The following NSD2 variants were observed in gnomAD, a reference collection of about 807,000 sequenced individuals.
NSD2 encodes histone-lysine N-methyltransferase NSD2.
A neutral mutation model predicts 139.0 loss-of-function variants in NSD2; 12 were observed. The ratio of observed to expected loss-of-function variants is 0.09; its 90% CI spans 0.06 to 0.14. The LOEUF (loss-of-function observed/expected upper bound fraction) is 0.14, where lower values mean the gene tolerates loss of function less well. Ranked by LOEUF, NSD2 falls within the 10% of genes least tolerant of loss-of-function variation. The probability of loss-of-function intolerance (pLI) is 1.00; values close to 1 mark genes in which losing one functional copy is unlikely to be tolerated. For synonymous variants in NSD2, 669 were observed against 648.7 expected, an observed-to-expected ratio of 1.03 and a Z score of -0.48; for missense variants, 1,155 against 1,745.0, an observed-to-expected ratio of 0.66 and a Z score of 6.02.
intron 9 of NSD2, among the ~76,000 whole-genome samples, chr4:1,949,766 G>C (rs1452040592): frequency 1.9e-5 from 2 of 105,834 alleles, no homozygotes; most frequent in Non-Finnish European, 3.9e-5. Flanking sequence ...TCTGTCTCGA[G>C]AAAAAAAAAA....
At position 1,970,026 on chromosome 4, in the gene NSD2, C is replaced by T. The variant is rs550362594; in HGVS notation, c.3373-4837C>T. Among the ~76,000 whole-genome samples, 15 of 152,080 alleles carry T rather than the reference C, an allele frequency of 9.9e-5. No homozygotes were observed. The South Asian group carries it at 2.9e-3, about 30-fold the overall frequency. On this transcript the variant is annotated intron_variant, in intron 18 of 21. Coordinates refer to ENST00000508803, the MANE Select transcript of NSD2 (RefSeq NM_001042424.3). ...AGTGAGCAGAGTGCAGCTGAAAGAA[C>T]CTGGGAAAGAGAGAAAGAAGGAATG... is the stretch of plus-strand genomic sequence containing the variant.
In NSD2 at chr4:1,976,913, A is replaced by G. The variant is rs966505813; in HGVS notation, c.3826+234A>G. 2.6e-5 allele frequency among the ~76,000 whole-genome samples: 4 copies of G among 152,090 alleles called. No individual in the cohort carries two copies. Among genetic ancestry groups the G allele is most frequent in the African/African-American group, 9.7e-5 (4 of 41,410 alleles). On this transcript the variant is annotated intron_variant, in intron 21 of 21. Coordinates refer to ENST00000508803, the MANE Select transcript of NSD2 (RefSeq NM_001042424.3). The surrounding 1 kb of genome is among the most constrained non-coding windows in gnomAD (Gnocchi z 5.3). Reference sequence around the variant, plus strand: ...ATGTGGTGACGGGGTAGCCCCTGGAACCTCCAGGAGGGATTCAGGCAGCCC... The same window carrying G: ...ATGTGGTGACGGGGTAGCCCCTGGAGCCTCCAGGAGGGATTCAGGCAGCCC...
At chr4:1,949,307 C>T (rs1041067453) in intron 9 of NSD2, among the ~76,000 whole-genome samples, 11 of 152,198 alleles carry the variant, frequency 7.2e-5, no homozygotes, top group Non-Finnish European at 1.5e-4. Context: ...GTGTTCATGA[C>T]GCTAGTCCAT....
chr4:1,975,206 G>A, intron 19 of NSD2, 88 bp from the exon 20 acceptor site: 8 of 1,428,298 alleles, frequency 5.6e-6, no homozygotes, highest in African/African-American at 1.4e-5. Context: ...AATAATAAGA[G>A]TATTTTTGTT....
intron 9 of NSD2, chr4:1,944,428 AT>A: frequency 5.6e-6 from 6 of 1,065,246 alleles, no homozygotes; most frequent in Non-Finnish European, 6.8e-6. Context: ...AGACATTTGA[AT>A]TGCCGGTTGT....
intron 9 of NSD2, chr4:1,941,524 T>C: frequency 9.6e-7 from 1 of 1,042,796 alleles, no homozygotes; most frequent in Non-Finnish European, 1.2e-6. Flanking sequence ...AAGACATAGA[T>C]GAAGCATTTT....
At chr4:1,949,216 A>G (rs527483826) in intron 9 of NSD2, among the ~76,000 whole-genome samples, 1 of 152,376 alleles carries the variant, frequency 6.6e-6, no homozygotes, top group African/African-American at 2.4e-5. Flanking sequence ...GTTAAAGAAC[A>G]GGATGTGCGC....
chr4:1,941,475 C>T (rs1049678787), intron 9 of NSD2: 9 of 1,047,056 alleles, frequency 8.6e-6, no homozygotes, highest in Non-Finnish European at 1.0e-5. Flanking sequence ...GTCAGGGGAG[C>T]TCAGTCTCCC....
chr4:1,872,597 A>T (rs868720131), intron 1 of NSD2, among the ~76,000 whole-genome samples: 259 of 95,336 alleles, frequency 2.7e-3, no homozygotes, highest in East Asian at 6.8e-3. Flanking sequence ...TGTGTGAGAG[A>T]GAGAGAGAGA....
intron 2 of NSD2, among the ~76,000 whole-genome samples, chr4:1,902,495 G>A (rs1017071462): frequency 1.2e-4 from 18 of 152,054 alleles, no homozygotes. Flanking sequence ...AAGTGCTCGA[G>A]TTACAGGTAT....
At chr4:1,927,831 A>G (rs984241700) in intron 5 of NSD2, among the ~76,000 whole-genome samples, 1 of 150,738 alleles carries the variant, frequency 6.6e-6, no homozygotes, top group Non-Finnish European at 1.5e-5. Context: ...TACGTTGGCA[A>G]TGTTTTAGTC....
rs1213551140 is a variant in NSD2, at chr4:1,976,723, G to T, written c.3826+44G>T. The stretch of plus-strand genomic sequence containing the variant: ...GGTGGCTTGCAGCTGTGTCTGTGTG[G>T]CAGGCTCCTGATGGCGGCTGCTGCC... On this transcript the variant is annotated intron_variant, in intron 21 of 21. Transcript: ENST00000508803. The surrounding 1 kb of genome is among the most constrained non-coding windows in gnomAD (Gnocchi z 5.3). The T allele has an allele frequency of 3.5e-5, 53 of 1,530,384 alleles. No individual in the cohort carries two copies. The highest frequency in any genetic ancestry group is 4.7e-5 in the Non-Finnish European group (53 of 1,135,686). 94.8% of individuals were successfully genotyped at this position (1,530,384 alleles called of 1,614,324 possible).
chr4:1,952,850 A>G (rs189063860), intron 11 of NSD2: 22 of 1,268,336 alleles, frequency 1.7e-5, no homozygotes, highest in African/African-American at 1.0e-4. Context: ...GGAGTCTCCT[A>G]TCTCACGTCA....
chr4:1,964,949 C>G (rs571441557), intron 18 of NSD2, among the ~76,000 whole-genome samples: 3 of 142,288 alleles, frequency 2.1e-5, no homozygotes, highest in Non-Finnish European at 4.6e-5. Context: ...AAAACAAGAA[C>G]AATAAATAAA....
At chr4:1,953,086 A>G in intron 11 of NSD2, 1 of 1,485,658 alleles carries the variant, frequency 6.7e-7, no homozygotes, top group South Asian at 1.4e-5. Context: ...CTGCCTAGTA[A>G]GATTCTCCTG....
rs6853594 is a variant in NSD2, at chr4:1,893,556, T to G, written c.-29-7070T>G. Among the ~76,000 whole-genome samples the G allele has an allele frequency of 0.027, 3,767 of 139,818 alleles. 57 individuals are homozygous for G. Among genetic ancestry groups the G allele is most frequent in the African/African-American group, 0.053 (1,748 of 32,754 alleles). The allele number at this position is 139,818 out of a possible 152,430, so 91.7% of individuals were successfully genotyped here. A position where few individuals can be genotyped will look rare whatever the true frequency, so the allele number is the denominator to read the frequency against. ...TTTTTGTTTTTTGTTTTTTTTTTTT[T>G]TTTGTTTTGTTTTGAGACAAGGTCT... On this transcript the variant is annotated intron_variant, in intron 1 of 21. Coordinates refer to ENST00000508803, the MANE Select transcript of NSD2 (RefSeq NM_001042424.3).
chr4:1,955,265 G>T lies in NSD2; in HGVS notation c.2443G>T (p.Ala815Ser). Residue 815 changes from alanine to serine, a missense_variant, in exon 13 of 22, where the codon GCC (alanine) becomes TCC (serine). Coordinates refer to ENST00000508803, the MANE Select transcript of NSD2 (RefSeq NM_001042424.3). This position sits in a 1 kb window ranked among gnomAD's most constrained non-coding sequence, Gnocchi z 4.7. ...VIASNSIICT[A>S]HFTARKGKRH... ...CGCCTCCAACAGCATCATCTGCACT[G>T]CCCACTTCACTGCTCGGAAGGGGAA... The T allele has an allele frequency of 6.2e-7, 1 of 1,614,164 alleles. No individual in the cohort carries two copies. Among genetic ancestry groups the T allele is most frequent in the Non-Finnish European group, 8.5e-7 (1 of 1,180,032 alleles).
chr4:1,945,880 G>A, intron 9 of NSD2: 1 of 1,060,652 alleles, frequency 9.4e-7, no homozygotes, highest in Non-Finnish European at 1.1e-6. Context: ...TTGGCAACTT[G>A]CTTCATTTCT....
chr4:1,947,463 C>T (rs1297766856), intron 9 of NSD2: 3 of 1,058,692 alleles, frequency 2.8e-6, no homozygotes, highest in Admixed American at 5.4e-5. Context: ...CCAGCCCTGA[C>T]CCTAGAATTT....
Sources: allele counts gnomAD v4.1 joint callset (sites outside exome capture counted in the v4.1 genomes callset), GRCh38; gene constraint gnomAD v4.1.1; non-coding constraint Gnocchi (gnomAD v3.1); transcripts MANE v1.5; gene names NCBI Gene and HGNC (gene_info 2026-07-23, HGNC 2026-07-21).